Variants in TBC1D13 observed in about 807,000 individuals in gnomAD.
TBC1D13 encodes the protein epididymis secretory sperm binding protein.
TBC1D13 carries 40 observed loss-of-function variants against 53.6 expected under a neutral mutation model. The ratio of observed to expected loss-of-function variants is 0.75; its 90% CI spans 0.58 to 0.97. TBC1D13 has a LOEUF of 0.97. Ranked by LOEUF, TBC1D13 falls within the 50% of genes least tolerant of loss-of-function variation. The pLI is 0.00. For synonymous variants in TBC1D13, 182 were observed against 197.7 expected (o/e 0.92, Z 0.67); for missense variants, 377 against 499.4 (o/e 0.75, Z 2.34).
In TBC1D13 at chr9:128,808,475, C is replaced by T. The variant is rs1417785389; in HGVS notation, c.*596C>T. 9 of 142,388 alleles carry T rather than the reference C, an allele frequency of 6.3e-5. No homozygotes were observed. Among genetic ancestry groups the T allele is most frequent in the Admixed American group, 2.8e-4 (4 of 14,204 alleles). The allele number at this position is 142,388 out of a possible 1,614,324, so 8.8% of individuals were successfully genotyped here. A position where few individuals can be genotyped will look rare whatever the true frequency, so the allele number is the denominator to read the frequency against. The stretch of plus-strand genomic sequence containing the variant: ...TGTGTGTTAGGGAGTGAGGGTCTCT[C>T]AGGCCTCCAGGTCTCCCAGCCCCTC... On this transcript the variant is annotated 3_prime_UTR_variant, in exon 12 of 12. Transcript: ENST00000372648.
At chr9:128,806,454 G>A in intron 11 of TBC1D13, 143 bp downstream of exon 11, 1 of 956,744 alleles carries the variant, frequency 1.0e-6, no homozygotes, top group Non-Finnish European at 1.6e-6. Context: ...AGCAGATCTG[G>A]TTTGGATCTG....
chr9:128,796,934 T>TCAAAAA (rs1052635423), intron 6 of TBC1D13, 121 bp from the exon 7 acceptor site: 1 of 1,182,778 alleles, frequency 8.5e-7, no homozygotes, highest in African/African-American at 1.5e-5. Flanking sequence ...AGACTCCATC[T>TCAAAAA]CAAAAACAAA....
intron 7 of TBC1D13, among the ~76,000 whole-genome samples, chr9:128,798,043 A>G (rs990502334): frequency 1.4e-4 from 21 of 152,120 alleles, no homozygotes; most frequent in Admixed American, 4.6e-4. Flanking sequence ...ACCTGAGGTC[A>G]GGAGTTCAAG....
chr9:128,798,374 G>A (rs1017952866), intron 7 of TBC1D13, among the ~76,000 whole-genome samples: 3 of 152,236 alleles, frequency 2.0e-5, no homozygotes, highest in African/African-American at 7.2e-5. Context: ...GAAGCAGAGA[G>A]CGAGTGAAGA....
chr9:128,806,176 G>A (rs956880700), intron 10 of TBC1D13, 78 bp from the exon 11 acceptor site: 25 of 1,607,656 alleles, frequency 1.6e-5, no homozygotes, highest in Non-Finnish European at 2.0e-5. Context: ...AACTTGAGGT[G>A]GGTAGGGAGG....
chr9:128,806,122 T>C lies in TBC1D13; in HGVS notation c.1079+103T>C. The C allele has an allele frequency of 1.9e-6, 3 of 1,584,000 alleles. No individual in the cohort carries two copies. The East Asian group carries it at 6.8e-5, about 36-fold the overall frequency. The stretch of plus-strand genomic sequence containing the variant: ...AAGGGTGGGCAGGGCTGCTCTTTCA[T>C]GGCTGGAGTGGGATTCTGGAGTCCT... On this transcript the variant is annotated intron_variant, in intron 10 of 11. Coordinates refer to ENST00000372648, the MANE Select transcript of TBC1D13 (RefSeq NM_018201.5).
chr9:128,791,751 T>C, intron 5 of TBC1D13, 58 bp downstream of exon 5: 2 of 1,527,540 alleles, frequency 1.3e-6, no homozygotes, highest in Non-Finnish European at 1.8e-6. Flanking sequence ...GTGGCGGCCT[T>C]GGAGCAGGCA....
At chr9:128,805,323 C>T (rs893046639) in intron 9 of TBC1D13, among the ~76,000 whole-genome samples, 2 of 151,852 alleles carry the variant, frequency 1.3e-5, no homozygotes, top group Non-Finnish European at 2.9e-5. Context: ...ATAGCGAGAC[C>T]TCATCTCTAA....
intron 2 of TBC1D13, among the ~76,000 whole-genome samples, chr9:128,790,128 A>G (rs556409293): frequency 6.1e-4 from 93 of 151,560 alleles, no homozygotes; most frequent in Non-Finnish European, 1.1e-3. Flanking sequence ...GTGGTGGCAC[A>G]CATCTGTAAT....
At chr9:128,804,178 A>ATCCCAG (rs1829786697) in intron 9 of TBC1D13, 59 bp downstream of exon 9, 1 of 1,579,228 alleles carries the variant, frequency 6.3e-7, no homozygotes. Context: ...TTGCTGTGCC[A>ATCCCAG]TCCCAGCCCA....
intron 7 of TBC1D13, among the ~76,000 whole-genome samples, chr9:128,797,440 G>T (rs564644029): frequency 1.3e-5 from 2 of 152,304 alleles, no homozygotes; most frequent in East Asian, 3.9e-4. Flanking sequence ...CTGCATCACA[G>T]TGAGTGAATG....
At chr9:128,799,992 G>T (rs1052546596) in intron 7 of TBC1D13, among the ~76,000 whole-genome samples, 3 of 152,256 alleles carry the variant, frequency 2.0e-5, no homozygotes, top group Admixed American at 2.0e-4. Flanking sequence ...CTGCACTCCA[G>T]CCTGGGCGAC....
chr9:128,791,780 G>A (rs1036533457), intron 5 of TBC1D13, 87 bp downstream of exon 5: 2 of 1,164,106 alleles, frequency 1.7e-6, no homozygotes, highest in Non-Finnish European at 2.6e-6. Flanking sequence ...TGCATGCCAG[G>A]GGGTAGGTGC....
chr9:128,804,210 T>G, intron 9 of TBC1D13, 91 bp downstream of exon 9: 1 of 1,470,986 alleles, frequency 6.8e-7, no homozygotes, highest in South Asian at 1.3e-5. Context: ...CGCTTGAGTC[T>G]GGGGGTCAGA....
chr9:128,797,026 C>T (rs1318041843), intron 6 of TBC1D13, 29 bp from the exon 7 acceptor site: 1 of 1,610,770 alleles, frequency 6.2e-7, no homozygotes, highest in Admixed American at 1.7e-5. Context: ...CCTTGAGTAA[C>T]AAGATTATTT....
At chr9:128,789,798 T>TAC (rs1829495571) in intron 2 of TBC1D13, 1 of 56,780 alleles carries the variant, frequency 1.8e-5, no homozygotes, top group South Asian at 6.9e-4. Context: ...ACACCATATA[T>TAC]ATATATATAT....
chr9:128,798,247 T>C (rs1829670516), intron 7 of TBC1D13, among the ~76,000 whole-genome samples: 1 of 149,546 alleles, frequency 6.7e-6, no homozygotes, highest in Non-Finnish European at 1.5e-5. Context: ...AACGAGACCC[T>C]GTCAAAAAAA....
chr9:128,808,512 C>T lies in TBC1D13; in HGVS notation c.*633C>T, dbSNP rs1829887052. 1 of 161,152 alleles carries T rather than the reference C, an allele frequency of 6.2e-6. No individual in the cohort carries two copies. Among genetic ancestry groups the T allele is most frequent in the African/African-American group, 2.4e-5 (1 of 41,406 alleles). 10.0% of individuals were successfully genotyped at this position (161,152 alleles called of 1,614,324 possible). ...TCTCCCAGCCCCTCCTTCTCTGTCT[C>T]TACCTCTCTGCCTGTCTCCTTCCAC... is the stretch of plus-strand genomic sequence containing the variant. On this transcript the variant is annotated 3_prime_UTR_variant, in exon 12 of 12. Coordinates refer to ENST00000372648, the MANE Select transcript of TBC1D13 (RefSeq NM_018201.5).
Position 128,806,321 on chromosome 9 carries a change from G to A in TBC1D13, c.1137+10G>A, listed in dbSNP as rs1829832726. On this transcript the variant is annotated intron_variant, in intron 11 of 11. Coordinates refer to ENST00000372648, the MANE Select transcript of TBC1D13 (RefSeq NM_018201.5). ...TATGCGGCTGCTGCAGGTAATGGGA[G>A]TTGGGGGCAGGCTCAGCCACTGCCA... 5 of 1,613,914 alleles carry A rather than the reference G, an allele frequency of 3.1e-6. No individual in the cohort carries two copies. The highest frequency in any genetic ancestry group is 4.2e-6 in the Non-Finnish European group (5 of 1,180,018).
Sources: allele counts gnomAD v4.1 joint callset (sites outside exome capture counted in the v4.1 genomes callset), GRCh38; gene constraint gnomAD v4.1.1; transcripts MANE v1.5; gene names NCBI Gene and HGNC (gene_info 2026-07-23, HGNC 2026-07-21).